UTS2B: variants seen among roughly 807,000 people sequenced by gnomAD.
The protein encoded by UTS2B is urotensin 2B.
Under a neutral mutation model 19.2 loss-of-function variants are expected in UTS2B, and 21 were observed. The ratio of observed to expected loss-of-function variants is 1.09; its 90% CI spans 0.78 to 1.58. The LOEUF is 1.58. UTS2B is among the 40% of genes most tolerant of loss of function. UTS2B has a pLI of 0.00. For missense variants in UTS2B, 138 were observed against 130.3 expected (o/e 1.06, Z -0.29); for synonymous variants, 57 against 50.2 (o/e 1.14, Z -0.58).
intron 4 of UTS2B, among the ~76,000 whole-genome samples, chr3:191,298,918 T>G (rs1288564245): frequency 2.0e-5 from 3 of 152,210 alleles, no homozygotes; most frequent in Non-Finnish European, 4.4e-5. Context: ...TTTTGTTATT[T>G]GTTAACAAAG....
At chr3:191,332,189 T>TA (rs1397019062), upstream of UTS2B, among the ~76,000 whole-genome samples, 2 of 152,156 alleles carry the variant, frequency 1.3e-5, no homozygotes, top group African/African-American at 4.8e-5. Flanking sequence ...GACATTAGGG[T>TA]AAGGGGATAT....
intron 8 of UTS2B, among the ~76,000 whole-genome samples, chr3:191,268,657 T>C (rs1394237529): frequency 6.6e-6 from 1 of 152,176 alleles, no homozygotes; most frequent in African/African-American, 2.4e-5. Flanking sequence ...AACTGCTCAA[T>C]AGCACTTGTA....
chr3:191,321,156 A>C (rs980283433), intron 2 of UTS2B, among the ~76,000 whole-genome samples: 2 of 152,174 alleles, frequency 1.3e-5, no homozygotes, highest in Non-Finnish European at 2.9e-5. Flanking sequence ...AAATGGGGGC[A>C]GAAACACTAA....
the UTS2B span, among the ~76,000 whole-genome samples, chr3:191,337,462 A>C: frequency 6.6e-6 from 1 of 151,582 alleles, no homozygotes; most frequent in South Asian, 2.1e-4. Flanking sequence ...CTCCTGCCTC[A>C]GCCTCCCGAG....
intron 3 of UTS2B, among the ~76,000 whole-genome samples, chr3:191,307,703 A>T (rs1717177930): frequency 6.6e-6 from 1 of 152,180 alleles, no homozygotes; most frequent in African/African-American, 2.4e-5. Flanking sequence ...TGCTCTAGGC[A>T]TCCAGCAGGG....
At position 191,267,820 on chromosome 3, in the gene UTS2B, A is replaced by G. The variant is rs543893434; in HGVS notation, c.*596T>C. 5.3e-5 allele frequency: 8 copies of G among 152,076 alleles called. No individual in the cohort carries two copies. The highest frequency in any genetic ancestry group is 1.9e-4 in the African/African-American group (8 of 41,536). The allele number at this position is 152,076 out of a possible 1,614,324, so 9.4% of individuals were successfully genotyped here. Reference sequence around the variant, plus strand: ...AGAATTTACAATATACTGTGTGTGTAATTTCTAACAGAGCCTTAAAACAGA... The same window carrying G: ...AGAATTTACAATATACTGTGTGTGTGATTTCTAACAGAGCCTTAAAACAGA... On this transcript the variant is annotated 3_prime_UTR_variant, in exon 9 of 9. Transcript: ENST00000340524.
the UTS2B span, among the ~76,000 whole-genome samples, chr3:191,342,803 G>A: frequency 3.9e-5 from 6 of 152,310 alleles, no homozygotes; most frequent in Middle Eastern, 3.4e-3. Flanking sequence ...ATCTGGATAT[G>A]CTTTGTGAAA....
At chr3:191,332,657 G>C (rs1271495677), upstream of UTS2B, among the ~76,000 whole-genome samples, 1 of 152,168 alleles carries the variant, frequency 6.6e-6, no homozygotes, top group African/African-American at 2.4e-5. Flanking sequence ...AAAGTTTCTT[G>C]GAGTTCAGAG....
chr3:191,309,446 T>A (rs1183114867), intron 3 of UTS2B, among the ~76,000 whole-genome samples: 1 of 152,212 alleles, frequency 6.6e-6, no homozygotes, highest in Non-Finnish European at 1.5e-5. Flanking sequence ...GTGCTGGGAT[T>A]ACAGGCGTGA....
chr3:191,292,687 T>C (rs1434475661), intron 4 of UTS2B, among the ~76,000 whole-genome samples: 2 of 152,220 alleles, frequency 1.3e-5, no homozygotes, highest in Non-Finnish European at 2.9e-5. Flanking sequence ...TCCAGTACAA[T>C]GTTGAATAAA....
intron 1 of UTS2B, chr3:191,329,815 G>C: frequency 1.4e-6 from 2 of 1,387,830 alleles, no homozygotes; most frequent in Non-Finnish European, 2.0e-6. Flanking sequence ...CGGCTCCCGC[G>C]GCCCTCGCCC....
At position 191,317,432 on chromosome 3, in the gene UTS2B, C is replaced by A. The variant is rs528354000; in HGVS notation, c.-585-993G>T. ...GGGAGCTGGCTCCGGCCTTGGCCAG[C>A]CCACAGAGGGGCTCCCACAGTGCAG... On this transcript the variant is annotated intron_variant, in intron 2 of 8. Transcript: ENST00000340524. Among the ~76,000 whole-genome samples the A allele has an allele frequency of 3.3e-4, 50 of 151,780 alleles. No homozygotes were observed. The East Asian group carries it at 9.1e-3, about 28-fold the overall frequency.
At chr3:191,278,270 G>A (rs1388863225) in intron 5 of UTS2B, 100 bp from the exon 6 acceptor site, 6 of 607,736 alleles carry the variant, frequency 9.9e-6, no homozygotes, top group East Asian at 3.1e-5. Context: ...ATTTGACAAC[G>A]AAAGAAATGT....
chr3:191,276,790 G>A lies in UTS2B; in HGVS notation c.240+17C>T. On this transcript the variant is annotated intron_variant, in intron 7 of 8. Transcript: ENST00000340524. ...ATTGTTATTAAAACTGCTCATTTAA[G>A]TATTTCACATTCTCACCTGGTTAAG... 1.9e-6 allele frequency: 3 copies of A among 1,606,482 alleles called. No individual in the cohort carries two copies. Among genetic ancestry groups the A allele is most frequent in the African/African-American group, 1.3e-5 (1 of 74,848 alleles).
intron 6 of UTS2B, 32 bp downstream of exon 6, chr3:191,278,040 A>T: frequency 8.7e-7 from 1 of 1,149,180 alleles, no homozygotes; most frequent in South Asian, 1.7e-5. Flanking sequence ...TTATTTTTTA[A>T]TAAATAGAGC....
At chr3:191,273,781 T>G (rs970225062) in intron 8 of UTS2B, among the ~76,000 whole-genome samples, 1 of 152,230 alleles carries the variant, frequency 6.6e-6, no homozygotes, top group Non-Finnish European at 1.5e-5. Context: ...AACTGTCCTT[T>G]GTTCCTAGTT....
At chr3:191,300,438 A>C (rs949783630) in intron 4 of UTS2B, among the ~76,000 whole-genome samples, 8 of 152,148 alleles carry the variant, frequency 5.3e-5, no homozygotes, top group Admixed American at 2.6e-4. Context: ...GAAATAACTA[A>C]CTTGTTTTTA....
rs558527901 is a variant in UTS2B at position 191,297,915 on chromosome 3, T to G, written c.-125+6577A>C. 7.2e-5 allele frequency among the ~76,000 whole-genome samples: 11 copies of G among 152,386 alleles called. No individual in the cohort carries two copies. The South Asian group carries it at 2.3e-3, about 32-fold the overall frequency. Reference sequence around the variant, plus strand: ...AACAGGTTAAGTGTTCTTGGTCACCTGCTTTAGAAAATAAATAACACTTTC... The same window carrying G: ...AACAGGTTAAGTGTTCTTGGTCACCGGCTTTAGAAAATAAATAACACTTTC... On this transcript the variant is annotated intron_variant, in intron 4 of 8. Coordinates refer to ENST00000340524, the MANE Select transcript of UTS2B (RefSeq NM_198152.5).
chr3:191,271,001 G>A (rs764176921), intron 8 of UTS2B, among the ~76,000 whole-genome samples: 1 of 151,858 alleles, frequency 6.6e-6, no homozygotes, highest in Non-Finnish European at 1.5e-5. Context: ...TCAGGAGATC[G>A]AGACCATTCT....
Sources: gnomAD v4.1 joint callset for allele counts (sites outside exome capture counted in the v4.1 genomes callset) on GRCh38, gnomAD v4.1.1 for gene constraint, MANE v1.5 for transcripts, NCBI Gene and HGNC (gene_info 2026-07-23, HGNC 2026-07-21) for gene names.